The following ST6GALNAC2 variants were observed in gnomAD, a reference collection of about 807,000 sequenced individuals.
ST6GALNAC2 encodes the protein ST6 N-acetylgalactosaminide alpha-2,6-sialyltransferase 2, also known as alpha-N-acetylgalactosaminide alpha-2,6-sialyltransferase 2.
In ST6GALNAC2, 42 loss-of-function variants were observed where a neutral mutation model predicts 38.7. The observed-to-expected ratio is 1.09, with a 90% CI of 0.85 to 1.40. ST6GALNAC2 has a LOEUF of 1.40. ST6GALNAC2 is among the 40% of genes most tolerant of loss of function. The pLI, the probability that ST6GALNAC2 is intolerant of heterozygous loss-of-function variation, is 0.00. For missense variants in ST6GALNAC2, 506 were observed against 481.7 expected (o/e 1.05, Z -0.47); for synonymous variants, 233 against 209.0 (o/e 1.11, Z -0.99).
chr17:76,575,111 C>T (rs974123673), intron 2 of ST6GALNAC2, among the ~76,000 whole-genome samples: 5 of 152,176 alleles, frequency 3.3e-5, no homozygotes, highest in African/African-American at 4.8e-5. Flanking sequence ...CTTCATCTCA[C>T]GCTTGAGCAA....
Position 76,578,812 on chromosome 17 carries a change from T to G in ST6GALNAC2, c.130A>C (p.Thr44Pro). 5 of 1,613,558 alleles carry G rather than the reference T, an allele frequency of 3.1e-6. No individual in the cohort carries two copies. Among genetic ancestry groups the G allele is most frequent in the Non-Finnish European group, 4.2e-6 (5 of 1,179,806 alleles). Residue 44 changes from threonine (T) to proline (P), a missense_variant, in exon 2 of 9, where the codon ACC becomes CCC. Transcript: ENST00000225276. ...YPGPAAGARD[T>P]TSFEAFFQSK... is the part of the protein sequence containing the mutation. ...TGAAAGAATGCTTCAAATGATGTGG[T>G]GTCCCTGGGGGAAAAAGCAGAAAAA... is the stretch of plus-strand genomic sequence containing the variant.
chr17:76,566,331 G>A (rs2075282311), intron 8 of ST6GALNAC2, 60 bp from the exon 9 acceptor site: 2 of 1,562,184 alleles, frequency 1.3e-6, no homozygotes. Flanking sequence ...ACAGACACTT[G>A]GGTGAAGTGA....
At chr17:76,569,064 G>C in intron 6 of ST6GALNAC2, 1 of 118,218 alleles carries the variant, frequency 8.5e-6, no homozygotes, top group South Asian at 5.0e-4. Flanking sequence ...TTGGGAAGGG[G>C]CAGTTAAACT....
chr17:76,578,938 G>T, intron 1 of ST6GALNAC2, 122 bp from the exon 2 acceptor site: 1 of 744,986 alleles, frequency 1.3e-6, no homozygotes, highest in Non-Finnish European at 2.2e-6. Context: ...CCATCGTGGT[G>T]GCTCACATCT....
At position 76,573,060 on chromosome 17, in the gene ST6GALNAC2, T is replaced by A; in HGVS notation, c.530+135A>T. 1.9e-6 allele frequency: 2 copies of A among 1,028,324 alleles called. No individual in the cohort carries two copies. The highest frequency in any genetic ancestry group is 2.8e-6 in the Non-Finnish European group (2 of 720,446). 63.7% of individuals were successfully genotyped at this position (1,028,324 alleles called of 1,614,324 possible). A position where few individuals can be genotyped will look rare whatever the true frequency, so the allele number is the denominator to read the frequency against. On this transcript the variant is annotated intron_variant, in intron 4 of 8. Coordinates refer to ENST00000225276, the MANE Select transcript of ST6GALNAC2 (RefSeq NM_006456.3). The surrounding 1 kb of genome is among the most constrained non-coding windows in gnomAD (Gnocchi z 5.1). ...GGGCCTACTGTTTGTTTTTGCCTTGTCCATGCCCGTGTGCTGGTCACAACT... is the reference window on the plus strand; with the variant it reads ...GGGCCTACTGTTTGTTTTTGCCTTGACCATGCCCGTGTGCTGGTCACAACT...
intron 6 of ST6GALNAC2, chr17:76,570,353 G>C (rs2075339154): frequency 3.6e-6 from 2 of 548,672 alleles, no homozygotes; most frequent in Non-Finnish European, 6.6e-6. Flanking sequence ...GAACCCGGAG[G>C]GTCACCTGGG....
At position 76,570,847 on chromosome 17, in the gene ST6GALNAC2, G is replaced by A. The variant is rs2075345604; in HGVS notation, c.670-179C>T. The A allele has an allele frequency of 1.0e-5, 6 of 583,720 alleles. No homozygotes were observed. The Admixed American group carries it at 1.1e-4, about 11-fold the overall frequency. The allele number at this position is 583,720 out of a possible 1,614,324, so 36.2% of individuals were successfully genotyped here. A position where few individuals can be genotyped will look rare whatever the true frequency, so the allele number is the denominator to read the frequency against. ...AGTGTAGGTCCACAAATCCTCTAAT[G>A]CTCCTTCAGGAGGTGGCACCCAATT... is the stretch of plus-strand genomic sequence containing the variant. On this transcript the variant is annotated intron_variant, in intron 5 of 8. Transcript: ENST00000225276.
intron 2 of ST6GALNAC2, 45 bp from the exon 3 acceptor site, chr17:76,574,584 GGGGT>G: frequency 6.9e-7 from 1 of 1,449,828 alleles, no homozygotes; most frequent in Non-Finnish European, 9.4e-7. Context: ...GGTAGGGGCT[GGGGT>G]GGGTGGGGCC....
At chr17:76,574,340 G>A (rs2075387352) in intron 3 of ST6GALNAC2, 25 bp downstream of exon 3, 1 of 1,603,098 alleles carries the variant, frequency 6.2e-7, no homozygotes, top group South Asian at 1.1e-5. Context: ...CAGAAGGCAG[G>A]TGAGAGACAG....
intron 6 of ST6GALNAC2, chr17:76,569,046 G>T: frequency 3.8e-6 from 1 of 264,804 alleles, no homozygotes; most frequent in Non-Finnish European, 6.5e-6. Context: ...TGAACAGACC[G>T]GGGGGAGTTG....
chr17:76,568,660 G>T (rs1023544928), intron 7 of ST6GALNAC2, 53 bp downstream of exon 7: 2 of 1,576,530 alleles, frequency 1.3e-6, no homozygotes, highest in Admixed American at 3.3e-5. Context: ...GTGGGTGGGT[G>T]TGTAAAAGGG....
At chr17:76,568,894 C>T (rs781142807) in intron 6 of ST6GALNAC2, 98 bp from the exon 7 acceptor site, 2 of 1,179,992 alleles carry the variant, frequency 1.7e-6, no homozygotes, top group Middle Eastern at 2.5e-4. Context: ...GCCGCGGTAC[C>T]CTGAGCGGTA....
chr17:76,573,301 TGGGCG>T lies in ST6GALNAC2; in HGVS notation c.419_423del (p.Pro140GlnfsTer32). On this transcript the variant is annotated frameshift_variant, in exon 4 of 9. Transcript: ENST00000225276. LOFTEE classifies it high-confidence loss of function. This position sits in a 1 kb window ranked among gnomAD's most constrained non-coding sequence, Gnocchi z 5.1. The stretch of plus-strand genomic sequence containing the variant: ...CGGATACACTTTGGAGGGGTGTCCC[TGGGCG>T]GGGCAAACAGCTTGGCACTCTCTGA... The T allele has an allele frequency of 6.3e-7, 1 of 1,596,594 alleles. No homozygotes were observed. The highest frequency in any genetic ancestry group is 8.5e-7 in the Non-Finnish European group (1 of 1,171,382).
chr17:76,579,200 T>C (rs182169294), intron 1 of ST6GALNAC2, among the ~76,000 whole-genome samples: 1 of 152,370 alleles, frequency 6.6e-6, no homozygotes, highest in Non-Finnish European at 1.5e-5. Context: ...ATTACAGGCG[T>C]AAGCCACTGC....
chr17:76,565,945 T>TG lies in ST6GALNAC2; in HGVS notation c.*158dup, dbSNP rs1720476063. 3.0e-6 allele frequency: 2 copies of TG among 661,976 alleles called. No homozygotes were observed. The highest frequency in any genetic ancestry group is 3.7e-5 in the African/African-American group (2 of 54,698). 41.0% of individuals were successfully genotyped at this position (661,976 alleles called of 1,614,324 possible). A position where few individuals can be genotyped will look rare whatever the true frequency, so the allele number is the denominator to read the frequency against. ...TGGATGAGCCAAGGACAAGCTGGGG[T>TG]GTCCTATATTGAACAGACCTCGATG... On this transcript the variant is annotated 3_prime_UTR_variant, in exon 9 of 9. Transcript: ENST00000225276.
rs1413633724 is a variant in ST6GALNAC2, at chr17:76,569,516, G to A, written c.774-720C>T. The A allele has an allele frequency of 1.3e-5, 5 of 387,278 alleles. No individual in the cohort carries two copies. The Admixed American group carries it at 1.4e-4, about 11-fold the overall frequency. The allele number at this position is 387,278 out of a possible 1,614,324, so 24.0% of individuals were successfully genotyped here. On this transcript the variant is annotated intron_variant, in intron 6 of 8. Coordinates refer to ENST00000225276, the MANE Select transcript of ST6GALNAC2 (RefSeq NM_006456.3). ...GGGGTGGGAGGGTGGGAGGGGGGCC[G>A]GGAGGAAGAGCCCCGAGTGGGGGAG...
intron 6 of ST6GALNAC2, chr17:76,569,913 T>C (rs2075333970): frequency 4.1e-6 from 1 of 242,472 alleles, no homozygotes; most frequent in Non-Finnish European, 7.9e-6. Context: ...GTGGCGTCGA[T>C]TTTTAGGGAC....
chr17:76,583,963 A>G (rs911018729), intron 1 of ST6GALNAC2, among the ~76,000 whole-genome samples: 8 of 147,438 alleles, frequency 5.4e-5, no homozygotes, highest in Admixed American at 4.8e-4. Flanking sequence ...GCCCGCCACC[A>G]CGCCCAGCTA....
At chr17:76,580,412 C>A (rs535070017) in intron 1 of ST6GALNAC2, among the ~76,000 whole-genome samples, 2 of 151,044 alleles carry the variant, frequency 1.3e-5, no homozygotes, top group Admixed American at 6.6e-5. Context: ...AGTGAAACTC[C>A]TGGCCGGGTG....
Sources: allele counts gnomAD v4.1 joint callset (sites outside exome capture counted in the v4.1 genomes callset), GRCh38; gene constraint gnomAD v4.1.1; non-coding constraint Gnocchi (gnomAD v3.1); transcripts MANE v1.5; gene names NCBI Gene and HGNC (gene_info 2026-07-23, HGNC 2026-07-21).